NEK4: variants seen among roughly 807,000 people sequenced by gnomAD.
The protein encoded by NEK4 is serine/threonine-protein kinase Nek4.
A neutral mutation model predicts 98.4 loss-of-function variants in NEK4; 86 were observed. That is an observed-to-expected ratio of 0.87 (90% confidence interval 0.73 to 1.05). The LOEUF is 1.05. Ranked by LOEUF, NEK4 falls within the 50% of genes least tolerant of loss-of-function variation. NEK4 has a pLI of 0.00. For synonymous variants in NEK4, 328 were observed against 342.2 expected, an observed-to-expected ratio of 0.96 and a Z score of 0.46; for missense variants, 898 against 950.3, an observed-to-expected ratio of 0.94 and a Z score of 0.72.
At chr3:52,734,666 C>CAAAAAAAAAAAAAAAAAA (rs59075830) in intron 15 of NEK4, 1 of 71,348 alleles carries the variant, frequency 1.4e-5, no homozygotes, top group Non-Finnish European at 2.7e-5. Context: ...GACTCCGTCT[C>CAAAAAAAAAAAAAAAAAA]AAAAAAAAAA....
chr3:52,718,500 A>G (rs1240563607), intron 15 of NEK4, among the ~76,000 whole-genome samples: 1 of 151,350 alleles, frequency 6.6e-6, no homozygotes, highest in Non-Finnish European at 1.5e-5. Context: ...AAAGAAATAC[A>G]ATTATAGCCT....
Position 52,768,382 on chromosome 3 carries a change from T to C in NEK4, c.316A>G (p.Asn106Asp). The change falls in exon 2 of 16, where the codon AAT becomes GAT. Residue 106 changes from asparagine (N) to aspartate (D), a missense_variant. Asn to Asp is a conservative substitution (Grantham distance 23). Coordinates refer to ENST00000233027, the MANE Select transcript of NEK4 (RefSeq NM_003157.6). ...KEQKGQLLPENQVVEWFVQIA... is the reference protein window; with the variant it reads ...KEQKGQLLPEDQVVEWFVQIA... Reference sequence around the variant, plus strand: ...TGTACAAACCACTCTACCACCTGATTCTCAGGCAGAAGCTGCCCTTTCTGC... The same window carrying C: ...TGTACAAACCACTCTACCACCTGATCCTCAGGCAGAAGCTGCCCTTTCTGC... The C allele has an allele frequency of 6.2e-7, 1 of 1,614,174 alleles. No individual in the cohort carries two copies. Among genetic ancestry groups the C allele is most frequent in the South Asian group, 1.1e-5 (1 of 91,084 alleles).
intron 6 of NEK4, among the ~76,000 whole-genome samples, chr3:52,755,422 G>GA (rs2097413478): frequency 1.4e-5 from 2 of 146,386 alleles, no homozygotes; most frequent in South Asian, 2.1e-4. Context: ...CAGAATGAAG[G>GA]AAAAAAAACA....
Position 52,746,324 on chromosome 3 carries a change from C to T in NEK4, c.1678-114G>A, listed in dbSNP as rs138671141. On this transcript the variant is annotated intron_variant, in intron 9 of 15. Coordinates refer to ENST00000233027, the MANE Select transcript of NEK4 (RefSeq NM_003157.6). ...TGGTTTGCTCTTAAAACCTTCAAAA[C>T]ATTGCATTTTTTTGGAAAGACTCTG... 58 of 1,011,650 alleles carry T rather than the reference C, an allele frequency of 5.7e-5. No individual in the cohort carries two copies. The East Asian group carries it at 1.4e-3, about 25-fold the overall frequency. The allele number at this position is 1,011,650 out of a possible 1,614,324, so 62.7% of individuals were successfully genotyped here.
At chr3:52,755,349 T>C (rs139727214) in intron 6 of NEK4, among the ~76,000 whole-genome samples, 1 of 152,186 alleles carries the variant, frequency 6.6e-6, no homozygotes, top group East Asian at 1.9e-4. Flanking sequence ...GGCTGCATGA[T>C]ACTGTGAATC....
At chr3:52,769,919 T>C (rs1698713835) in intron 1 of NEK4, among the ~76,000 whole-genome samples, 1 of 152,032 alleles carries the variant, frequency 6.6e-6, no homozygotes, top group African/African-American at 2.4e-5. Flanking sequence ...GCAGTGAAAG[T>C]GATGGATTGG....
chr3:52,743,537 A>T, intron 11 of NEK4, 76 bp from the exon 12 acceptor site: 1 of 1,097,552 alleles, frequency 9.1e-7, no homozygotes, highest in Non-Finnish European at 1.4e-6. Context: ...TTTGGTATGG[A>T]ACATACCCCA....
intron 8 of NEK4, among the ~76,000 whole-genome samples, chr3:52,749,130 A>C (rs1190792287): frequency 1.3e-5 from 2 of 151,116 alleles, no homozygotes; most frequent in Non-Finnish European, 3.0e-5. Flanking sequence ...ACAATATTTT[A>C]TTTTCCTTTT....
chr3:52,712,124 TAA>T (rs2097351003), intron 15 of NEK4, among the ~76,000 whole-genome samples: 3 of 152,350 alleles, frequency 2.0e-5, no homozygotes, highest in Non-Finnish European at 4.4e-5. Context: ...CATTCGTATA[TAA>T]AGAGTTCTTT....
chr3:52,718,622 A>G (rs2097357379), intron 15 of NEK4, among the ~76,000 whole-genome samples: 1 of 152,176 alleles, frequency 6.6e-6, no homozygotes, highest in Non-Finnish European at 1.5e-5. Context: ...ATAACAGTAG[A>G]TTCACAACCC....
In NEK4 at chr3:52,708,588, G is replaced by A. The variant is rs2097347168; in HGVS notation, c.*3189C>T. On this transcript the variant is annotated 3_prime_UTR_variant, in exon 16 of 16. Coordinates refer to ENST00000233027, the MANE Select transcript of NEK4 (RefSeq NM_003157.6). The stretch of plus-strand genomic sequence containing the variant: ...GTTCAATAGCTATATGTGACTAGTG[G>A]CTACCATATAAAACATTTCCATCAC... The A allele has an allele frequency of 1.3e-5, 2 of 152,106 alleles. No individual in the cohort carries two copies. Among genetic ancestry groups the A allele is most frequent in the Non-Finnish European group, 2.9e-5 (2 of 68,020 alleles). The allele number at this position is 152,106 out of a possible 1,614,324, so 9.4% of individuals were successfully genotyped here.
At chr3:52,753,377 C>T (rs962370866) in intron 6 of NEK4, 1 of 346,758 alleles carries the variant, frequency 2.9e-6, no homozygotes. Context: ...CCAGAGATGC[C>T]GCTGGGCCAC....
At chr3:52,727,525 G>T (rs976634285) in intron 15 of NEK4, among the ~76,000 whole-genome samples, 2 of 152,226 alleles carry the variant, frequency 1.3e-5, no homozygotes, top group African/African-American at 4.8e-5. Context: ...ACCCAGGCTG[G>T]AGTGTGGTAG....
chr3:52,719,286 A>G (rs965414376), intron 15 of NEK4, among the ~76,000 whole-genome samples: 1 of 152,208 alleles, frequency 6.6e-6, no homozygotes, highest in African/African-American at 2.4e-5. Context: ...GATGTAAACT[A>G]AACTATAGGG....
At position 52,746,867 on chromosome 3, in the gene NEK4, C is replaced by A. The variant is rs2097397062; in HGVS notation, c.1544G>T (p.Gly515Val). The A allele has an allele frequency of 4.3e-6, 7 of 1,613,940 alleles. No homozygotes were observed. The highest frequency in any genetic ancestry group is 5.9e-6 in the Non-Finnish European group (7 of 1,179,914). Residue 515 changes from glycine (G) to valine (V), a missense_variant, in exon 9 of 16, where the codon GGC becomes GTC. Transcript: ENST00000233027. ...VAGECIIEKQ[G>V]RIHPDLQPHN... Reference sequence around the variant, plus strand: ...TGGCTGTAAATCTGGGTGGATTCTGCCCTGTTTTTCTATAATACATTCACC... The same window carrying A: ...TGGCTGTAAATCTGGGTGGATTCTGACCTGTTTTTCTATAATACATTCACC...
At chr3:52,724,232 A>AACACACACACACACACACACACACACAC (rs10528307) in intron 15 of NEK4, among the ~76,000 whole-genome samples, 53 of 145,302 alleles carry the variant, frequency 3.6e-4, no homozygotes, top group South Asian at 1.5e-3. Context: ...TTTGTCTTAA[A>AACACACACACACACACACACACACACAC]ACACACACAC....
chr3:52,770,702 C>T lies in NEK4; in HGVS notation c.45G>A (p.Gly15=). 3.8e-6 allele frequency: 6 copies of T among 1,578,244 alleles called. No individual in the cohort carries two copies. Among genetic ancestry groups the T allele is most frequent in the Non-Finnish European group, 5.2e-6 (6 of 1,163,144 alleles). ...TCACAAGCGTCACCTCTCCATAGCT[C>T]CCCTTGCCCACGACCCGCAGGTAGC... is the stretch of plus-strand genomic sequence containing the variant. The part of the protein sequence containing the change: ...AYCYLRVVGK[G]SYGEVTLVKH... Residue 15 remains glycine (G), a synonymous_variant, in exon 1 of 16, where the codon GGG becomes GGA. Coordinates refer to ENST00000233027, the MANE Select transcript of NEK4 (RefSeq NM_003157.6).
chr3:52,750,889 C>T (rs1474289002), intron 7 of NEK4, among the ~76,000 whole-genome samples: 1 of 152,128 alleles, frequency 6.6e-6, no homozygotes, highest in Non-Finnish European at 1.5e-5. Context: ...TGTGTTTGCA[C>T]CACTGCACGC....
At chr3:52,734,889 G>T in intron 15 of NEK4, 1 of 252,610 alleles carries the variant, frequency 4.0e-6, no homozygotes, top group Non-Finnish European at 7.7e-6. Flanking sequence ...CTGAAACAAA[G>T]CCAGTCTTAG....
Sources: allele counts gnomAD v4.1 joint callset (sites outside exome capture counted in the v4.1 genomes callset), GRCh38; gene constraint gnomAD v4.1.1; transcripts MANE v1.5; gene names NCBI Gene and HGNC (gene_info 2026-07-23, HGNC 2026-07-21).